The following GPBP1 variants were observed in gnomAD, a reference collection of about 807,000 sequenced individuals.
The protein encoded by GPBP1 is vasculin.
In GPBP1, 13 loss-of-function variants were observed where a neutral mutation model predicts 56.5. That is an observed-to-expected ratio of 0.23 (90% CI 0.15 to 0.37). GPBP1 has a LOEUF of 0.37. GPBP1 is among the 10% of genes least tolerant of loss of function. The pLI is 1.00. For synonymous variants in GPBP1, 204 were observed against 188.9 expected, an observed-to-expected ratio of 1.08 and a Z score of -0.66; for missense variants, 477 against 572.3, an observed-to-expected ratio of 0.83 and a Z score of 1.70.
chr5:57,262,865 A>T lies in GPBP1; in HGVS notation c.*113A>T. ...ATGTAGTGAAATACCCCATTAGAAG[A>T]GGATTTTTTGGGGGACTTCAATATG... On this transcript the variant is annotated 3_prime_UTR_variant, in exon 12 of 12. Coordinates refer to ENST00000506184, the MANE Select transcript of GPBP1 (RefSeq NM_022913.4). 1.1e-6 allele frequency: 1 copy of T among 946,964 alleles called. No individual in the cohort carries two copies. The allele number at this position is 946,964 out of a possible 1,614,324, so 58.7% of individuals were successfully genotyped here.
chr5:57,216,711 T>G (rs781594602), intron 3 of GPBP1, among the ~76,000 whole-genome samples: 1 of 152,004 alleles, frequency 6.6e-6, no homozygotes, highest in African/African-American at 2.4e-5. Context: ...CAAAAAACAC[T>G]AAAAGTCTGA....
At chr5:57,183,677 A>G (rs559108252) in intron 2 of GPBP1, among the ~76,000 whole-genome samples, 9 of 152,172 alleles carry the variant, frequency 5.9e-5, no homozygotes, top group Non-Finnish European at 1.0e-4. Flanking sequence ...AAAGTGTAGT[A>G]TAAGGGAAAT....
At chr5:57,188,782 C>T (rs144488594) in intron 2 of GPBP1, among the ~76,000 whole-genome samples, 21 of 152,158 alleles carry the variant, frequency 1.4e-4, no homozygotes, top group Admixed American at 3.9e-4. Context: ...ACTTCCTAGC[C>T]CCATACTCTC....
intron 2 of GPBP1, among the ~76,000 whole-genome samples, chr5:57,205,010 T>A (rs1229056356): frequency 6.6e-6 from 1 of 152,158 alleles, no homozygotes. Context: ...TTCATTGGCA[T>A]TTAGTACATT....
At chr5:57,256,343 A>G (rs181049299) in intron 10 of GPBP1, among the ~76,000 whole-genome samples, 146 of 152,280 alleles carry the variant, frequency 9.6e-4, no homozygotes, top group Middle Eastern at 3.4e-3. Context: ...TACTGCATGA[A>G]GAGATAGTAT....
chr5:57,252,715 ATT>A (rs112267138), intron 10 of GPBP1, among the ~76,000 whole-genome samples: 1 of 140,634 alleles, frequency 7.1e-6, no homozygotes, highest in African/African-American at 2.6e-5. Context: ...TTTATTGTAA[ATT>A]TTTTTTTTTT....
chr5:57,214,565 A>G (rs1312979708), intron 3 of GPBP1, among the ~76,000 whole-genome samples: 1 of 152,226 alleles, frequency 6.6e-6, no homozygotes, highest in Non-Finnish European at 1.5e-5. Context: ...AGCCTGGGCA[A>G]CAAGAGCGAA....
At chr5:57,250,763 G>A (rs929623089) in intron 9 of GPBP1, among the ~76,000 whole-genome samples, 191 bp from the exon 10 acceptor site, 1 of 151,530 alleles carries the variant, frequency 6.6e-6, no homozygotes, top group Non-Finnish European at 1.5e-5. Context: ...CAGGCTCGTC[G>A]CAAACTCCTG....
intron 10 of GPBP1, among the ~76,000 whole-genome samples, chr5:57,257,395 A>G (rs1741712757): frequency 6.6e-6 from 1 of 152,190 alleles, no homozygotes; most frequent in African/African-American, 2.4e-5. Context: ...ATTCAATACT[A>G]AGGCACATAG....
chr5:57,201,410 A>G lies in GPBP1; in HGVS notation c.-57-12664A>G, dbSNP rs556956529. Among the ~76,000 whole-genome samples, 13 of 151,898 alleles carry G rather than the reference A, an allele frequency of 8.6e-5. No homozygotes were observed. In the South Asian group the frequency reaches 2.5e-3, roughly 29 times the overall value. ...TTTTTAAAAATTTTTAGTAGGGATG[A>G]TGTTTCACTGTGTCACCCAGGCTGG... On this transcript the variant is annotated intron_variant, in intron 2 of 11. Coordinates refer to ENST00000506184, the MANE Select transcript of GPBP1 (RefSeq NM_022913.4).
intron 3 of GPBP1, chr5:57,221,471 G>C: frequency 1.1e-6 from 1 of 891,434 alleles, no homozygotes; most frequent in Non-Finnish European, 1.8e-6. Context: ...TGTTATGCTA[G>C]GAAGGATGAC....
chr5:57,179,718 AG>A (rs1004203405), intron 2 of GPBP1, among the ~76,000 whole-genome samples: 1 of 151,918 alleles, frequency 6.6e-6, no homozygotes, highest in African/African-American at 2.4e-5. Context: ...CTGCCCCTTC[AG>A]CCTCTTGAGT....
At position 57,235,478 on chromosome 5, in the gene GPBP1, A is replaced by G. The variant is rs1012339894; in HGVS notation, c.412-488A>G. On this transcript the variant is annotated intron_variant, in intron 5 of 11. Transcript: ENST00000506184. Reference sequence around the variant, plus strand: ...AAAGTAAAGGAATAAGAGAATGGCTACTCCATAGGCAGAGTAGCCTGTTTT... The same window carrying G: ...AAAGTAAAGGAATAAGAGAATGGCTGCTCCATAGGCAGAGTAGCCTGTTTT... 5.3e-5 allele frequency among the ~76,000 whole-genome samples: 8 copies of G among 151,714 alleles called. No individual in the cohort carries two copies. The East Asian group carries it at 9.7e-4, about 18-fold the overall frequency.
At chr5:57,191,577 G>C (rs899852835) in intron 2 of GPBP1, among the ~76,000 whole-genome samples, 1 of 140,550 alleles carries the variant, frequency 7.1e-6, no homozygotes, top group African/African-American at 2.7e-5. Context: ...TTTTTTGTTT[G>C]TTTGAGACCG....
At position 57,249,604 on chromosome 5, in the gene GPBP1, T is replaced by A. The variant is rs776359450; in HGVS notation, c.972+28T>A. 1.8e-5 allele frequency: 28 copies of A among 1,554,344 alleles called. No individual in the cohort carries two copies. The East Asian group carries it at 6.3e-4, about 35-fold the overall frequency. On this transcript the variant is annotated intron_variant, in intron 9 of 11. Transcript: ENST00000506184. Reference sequence around the variant, plus strand: ...AATTGAATTTATAGCAATACTTGATTTGACATTGATATGTCATTGAAATAT... The same window carrying A: ...AATTGAATTTATAGCAATACTTGATATGACATTGATATGTCATTGAAATAT...
chr5:57,249,583 G>A lies in GPBP1; in HGVS notation c.972+7G>A. On this transcript the variant is annotated splice_region_variant and intron_variant, in intron 9 of 11. Coordinates refer to ENST00000506184, the MANE Select transcript of GPBP1 (RefSeq NM_022913.4). ...CCGTGCTGGCTCAGAGAAGGTAATT[G>A]AATTTATAGCAATACTTGATTTGAC... The A allele has an allele frequency of 1.9e-6, 3 of 1,595,392 alleles. No homozygotes were observed. Among genetic ancestry groups the A allele is most frequent in the Non-Finnish European group, 2.6e-6 (3 of 1,172,078 alleles).
chr5:57,190,694 C>CTTT lies in GPBP1; in HGVS notation c.-58+14320_-58+14322dup, dbSNP rs773540051. 4.8e-4 allele frequency among the ~76,000 whole-genome samples: 33 copies of CTTT among 68,866 alleles called. 4 individuals carry two copies. The highest frequency in any genetic ancestry group is 2.2e-3 in the Admixed American group (12 of 5,450). The allele number at this position is 68,866 out of a possible 152,430, so 45.2% of individuals were successfully genotyped here. A position where few individuals can be genotyped will look rare whatever the true frequency, so the allele number is the denominator to read the frequency against. On this transcript the variant is annotated intron_variant, in intron 2 of 11. Coordinates refer to ENST00000506184, the MANE Select transcript of GPBP1 (RefSeq NM_022913.4). ...AGACTGGCTTTGGATTTGCTGTTAG[C>CTTT]TTTTTTTTTTTTTTTTTTTTTTTTT...
At chr5:57,243,544 C>A (rs937929063) in intron 6 of GPBP1, among the ~76,000 whole-genome samples, 13 of 151,940 alleles carry the variant, frequency 8.6e-5, no homozygotes, top group Non-Finnish European at 2.9e-5. Flanking sequence ...GTACTGAAGA[C>A]CTCATTGAGG....
At chr5:57,228,374 G>C (rs763840604) in intron 3 of GPBP1, among the ~76,000 whole-genome samples, 14 of 152,142 alleles carry the variant, frequency 9.2e-5, no homozygotes, top group Non-Finnish European at 1.9e-4. Context: ...AGAATCATTT[G>C]AACCTGGGAG....
Sources: allele counts gnomAD v4.1 joint callset (sites outside exome capture counted in the v4.1 genomes callset), GRCh38; gene constraint gnomAD v4.1.1; transcripts MANE v1.5; gene names NCBI Gene and HGNC (gene_info 2026-07-23, HGNC 2026-07-21).